Variants in ENTREP2 observed in about 807,000 individuals in gnomAD.
ENTREP2 encodes the protein protein ENTREP2.
chr15:29,155,094 A>G, the ENTREP2 span, among the ~76,000 whole-genome samples: 13 of 149,972 alleles, frequency 8.7e-5, no homozygotes, highest in African/African-American at 2.9e-4. Flanking sequence ...CATCCTGGCT[A>G]ACACGGTGAA....
chr15:29,365,517 G>A, the ENTREP2 span, among the ~76,000 whole-genome samples: 1 of 152,020 alleles, frequency 6.6e-6, no homozygotes, highest in Non-Finnish European at 1.5e-5. Context: ...CTCCCAAAGT[G>A]CTGGGATTAC....
At chr15:29,333,752 T>C in the ENTREP2 span, among the ~76,000 whole-genome samples, 1 of 152,122 alleles carries the variant, frequency 6.6e-6, no homozygotes, top group African/African-American at 2.4e-5. Context: ...TAACCTCCAA[T>C]ACCTGAGACT....
the ENTREP2 span, among the ~76,000 whole-genome samples, chr15:29,323,489 A>AAT: frequency 6.6e-6 from 1 of 152,048 alleles, no homozygotes; most frequent in African/African-American, 2.4e-5. Flanking sequence ...TGTCCTTTCT[A>AAT]ATATCCTTTA....
the ENTREP2 span, among the ~76,000 whole-genome samples, chr15:29,380,483 A>G: frequency 3.9e-5 from 6 of 152,174 alleles, no homozygotes; most frequent in African/African-American, 1.2e-4. Flanking sequence ...TGTCTTTTTC[A>G]TTATCTATCA....
chr15:29,662,211 C>CAAAAAAAAAAAAAAAAAAAAA, the ENTREP2 span, among the ~76,000 whole-genome samples: 1 of 46,948 alleles, frequency 2.1e-5, no homozygotes, highest in Non-Finnish European at 4.3e-5. Flanking sequence ...AACCCTGTCG[C>CAAAAAAAAAAAAAAAAAAAAA]AAAAAAAAAA....
chr15:29,253,196 A>T, the ENTREP2 span, among the ~76,000 whole-genome samples: 1 of 152,204 alleles, frequency 6.6e-6, no homozygotes, highest in African/African-American at 2.4e-5. Context: ...ACAGGATACA[A>T]AGCAGGTCCA....
chr15:29,416,292 A>G, the ENTREP2 span, among the ~76,000 whole-genome samples: 16 of 152,340 alleles, frequency 1.1e-4, no homozygotes, highest in Admixed American at 2.0e-4. Flanking sequence ...CTGGTACCAA[A>G]ACAGAGATAT....
the ENTREP2 span, among the ~76,000 whole-genome samples, chr15:29,397,045 C>T: frequency 3.3e-5 from 5 of 152,072 alleles, no homozygotes; most frequent in African/African-American, 1.2e-4. Flanking sequence ...TAATTAACCA[C>T]CCAGGTTACT....
chr15:29,642,648 C>G, the ENTREP2 span, among the ~76,000 whole-genome samples: 1 of 151,346 alleles, frequency 6.6e-6, no homozygotes, highest in African/African-American at 2.4e-5. Flanking sequence ...GTGTTTTGCT[C>G]TGTCCCCAGG....
chr15:29,652,080 A>T, the ENTREP2 span, among the ~76,000 whole-genome samples: 1 of 152,124 alleles, frequency 6.6e-6, no homozygotes, highest in Non-Finnish European at 1.5e-5. Context: ...AGGCCCATAA[A>T]AGCCCCAGGC....
chr15:29,456,396 G>C, the ENTREP2 span, among the ~76,000 whole-genome samples: 3 of 152,166 alleles, frequency 2.0e-5, no homozygotes, highest in Non-Finnish European at 4.4e-5. Context: ...AGGAGAGGGA[G>C]AGCAGCAACA....
chr15:29,538,905 A>G, the ENTREP2 span, among the ~76,000 whole-genome samples: 15 of 152,182 alleles, frequency 9.9e-5, no homozygotes, highest in African/African-American at 1.4e-4. Context: ...ACACCCTCAG[A>G]TTCCACCAGC....
the ENTREP2 span, among the ~76,000 whole-genome samples, chr15:29,198,884 C>T: frequency 1.2e-4 from 19 of 152,330 alleles, no homozygotes; most frequent in African/African-American, 4.6e-4. Context: ...TGGCATCTTT[C>T]ATTCAAAATT....
the ENTREP2 span, among the ~76,000 whole-genome samples, chr15:29,221,297 G>A: frequency 6.6e-6 from 1 of 151,940 alleles, no homozygotes; most frequent in East Asian, 1.9e-4. Context: ...TGCCTCCTGG[G>A]TTCAAGTGAT....
At chr15:29,258,506 T>TA in the ENTREP2 span, among the ~76,000 whole-genome samples, 4 of 151,942 alleles carry the variant, frequency 2.6e-5, no homozygotes, top group East Asian at 5.8e-4. Context: ...TGTTTTTTTT[T>TA]AATTGTGGTA....
At chr15:29,323,100 CTCTT>C in the ENTREP2 span, among the ~76,000 whole-genome samples, 1 of 152,142 alleles carries the variant, frequency 6.6e-6, no homozygotes, top group Non-Finnish European at 1.5e-5. Flanking sequence ...TGGTCTTGAC[CTCTT>C]TTTTTGGCAA....
chr15:29,193,457 C>G, the ENTREP2 span, among the ~76,000 whole-genome samples: 2 of 152,204 alleles, frequency 1.3e-5, no homozygotes, highest in South Asian at 2.1e-4. Flanking sequence ...CTGGGACTCA[C>G]ACTGGTGCAA....
the ENTREP2 span, among the ~76,000 whole-genome samples, chr15:29,505,792 T>C: frequency 1.3e-5 from 2 of 151,990 alleles, no homozygotes; most frequent in Non-Finnish European, 2.9e-5. The surrounding 1 kb of genome is among the most constrained non-coding windows in gnomAD (Gnocchi z 4.3). Context: ...GATAAATCCA[T>C]GAAGATGCAG....
the ENTREP2 span, among the ~76,000 whole-genome samples, chr15:29,251,246 C>T: frequency 7.2e-3 from 1,093 of 152,300 alleles, 17 homozygotes; most frequent in African/African-American, 0.025. Flanking sequence ...GACAAAGAAA[C>T]GAAGGCCCAT....
Sources: allele counts gnomAD v4.1 joint callset (sites outside exome capture counted in the v4.1 genomes callset), GRCh38; gene constraint gnomAD v4.1.1; non-coding constraint Gnocchi (gnomAD v3.1); transcripts MANE v1.5; gene names NCBI Gene and HGNC (gene_info 2026-07-23, HGNC 2026-07-21).